The following CADM1 variants were observed in gnomAD, a reference collection of about 807,000 sequenced individuals.
CADM1 encodes cell adhesion molecule 1.
A neutral mutation model predicts 53.1 loss-of-function variants in CADM1; 15 were observed. The observed-to-expected ratio is 0.28, with a 90% CI of 0.19 to 0.44. CADM1 has a LOEUF of 0.44. Ranked by LOEUF, CADM1 falls within the 20% of genes least tolerant of loss-of-function variation. The pLI is 1.00. For missense variants in CADM1, 434 were observed against 611.3 expected, an observed-to-expected ratio of 0.71 and a Z score of 3.06; for synonymous variants, 281 against 243.0, an observed-to-expected ratio of 1.16 and a Z score of -1.45.
At chr11:115,332,625 G>A (rs535815224) in intron 1 of CADM1, among the ~76,000 whole-genome samples, 47 of 152,178 alleles carry the variant, frequency 3.1e-4, no homozygotes, top group Admixed American at 1.3e-3. Context: ...ACATATGCTC[G>A]ATAACGTGTC....
chr11:115,237,438 A>C (rs749580838), intron 3 of CADM1, among the ~76,000 whole-genome samples: 4 of 152,204 alleles, frequency 2.6e-5, no homozygotes, highest in Middle Eastern at 3.2e-3. Flanking sequence ...TGAATAAAAA[A>C]AATTTCCCTT....
chr11:115,223,605 TAAAGGC>T (rs955325648), intron 5 of CADM1, among the ~76,000 whole-genome samples: 3 of 152,298 alleles, frequency 2.0e-5, no homozygotes, highest in Non-Finnish European at 4.4e-5. Flanking sequence ...AAGGCAGGTA[TAAAGGC>T]AAAGGCTTTT....
chr11:115,169,543 C>G lies in CADM1; in HGVS notation c.*6931G>C, dbSNP rs749958016. 2.2e-6 allele frequency: 1 copy of G among 453,434 alleles called. No homozygotes were observed. The highest frequency in any genetic ancestry group is 4.4e-6 in the Non-Finnish European group (1 of 225,992). 28.1% of individuals were successfully genotyped at this position (453,434 alleles called of 1,614,324 possible). ...TGGCATTTTCCCTTCCTTGTCCAAA[C>G]GATAAAAGATTCATGTTCCTAATTG... On this transcript the variant is annotated 3_prime_UTR_variant, in exon 12 of 12. Transcript: ENST00000331581.
Position 115,274,470 on chromosome 11 carries a change from G to A in CADM1, c.125-34050C>T, listed in dbSNP as rs139232283. On this transcript the variant is annotated intron_variant, in intron 1 of 11. Coordinates refer to ENST00000331581, the MANE Select transcript of CADM1 (RefSeq NM_001301043.2). ...AAAAAGTCTACTTCTTCCCTTGTCCGCATTTCAGTTTCATACAACTTGTTA... is the reference window on the plus strand; with the variant it reads ...AAAAAGTCTACTTCTTCCCTTGTCCACATTTCAGTTTCATACAACTTGTTA... Among the ~76,000 whole-genome samples, 197 of 152,290 alleles carry A rather than the reference G, an allele frequency of 1.3e-3. 4 individuals carry two copies. The East Asian group carries it at 0.024, about 19-fold the overall frequency.
intron 1 of CADM1, chr11:115,377,860 GA>G (rs1946478190): frequency 6.6e-6 from 1 of 152,084 alleles, no homozygotes. Flanking sequence ...TTTGCTTTAA[GA>G]GAAAAAAACT....
intron 2 of CADM1, among the ~76,000 whole-genome samples, chr11:115,238,997 G>C (rs1199396873): frequency 2.6e-5 from 4 of 152,006 alleles, no homozygotes; most frequent in South Asian, 4.1e-4. Context: ...ACTAGAGATA[G>C]ACAAAAAGAA....
chr11:115,241,656 A>C (rs1942235428), intron 1 of CADM1, among the ~76,000 whole-genome samples: 1 of 152,176 alleles, frequency 6.6e-6, no homozygotes, highest in East Asian at 1.9e-4. Context: ...AAAGTGAATA[A>C]ATGGCAGCTG....
intron 1 of CADM1, among the ~76,000 whole-genome samples, chr11:115,347,134 A>G (rs768957111): frequency 2.0e-5 from 3 of 152,182 alleles, no homozygotes; most frequent in Non-Finnish European, 4.4e-5. Flanking sequence ...AGACTGCTAT[A>G]AAGAATCTAA....
chr11:115,447,242 G>C (rs1274128903), intron 1 of CADM1, among the ~76,000 whole-genome samples: 1 of 152,122 alleles, frequency 6.6e-6, no homozygotes, highest in Non-Finnish European at 1.5e-5. Context: ...AAAGACATGG[G>C]CCTTAGAAAA....
intron 1 of CADM1, among the ~76,000 whole-genome samples, chr11:115,310,090 C>T (rs752016156): frequency 2.6e-4 from 39 of 151,512 alleles, no homozygotes; most frequent in Non-Finnish European, 3.5e-4. Context: ...TTTATTCCTT[C>T]GATGGGAAAA....
At chr11:115,358,858 T>C (rs1565385241) in intron 1 of CADM1, among the ~76,000 whole-genome samples, 1 of 152,192 alleles carries the variant, frequency 6.6e-6, no homozygotes, top group Admixed American at 6.5e-5. Flanking sequence ...AGAGTTTCCT[T>C]TGCAAATGCA....
intron 1 of CADM1, chr11:115,240,853 T>C: frequency 4.1e-6 from 1 of 241,256 alleles, no homozygotes. Context: ...AGCCACTTAA[T>C]AGAAGTAGGT....
intron 1 of CADM1, among the ~76,000 whole-genome samples, chr11:115,419,699 C>G (rs1947705881): frequency 6.6e-6 from 1 of 152,102 alleles, no homozygotes; most frequent in African/African-American, 2.4e-5. Context: ...GCCCCTGAGA[C>G]TCAATAATCT....
chr11:115,270,884 T>C (rs1770512192), intron 1 of CADM1, among the ~76,000 whole-genome samples: 1 of 152,228 alleles, frequency 6.6e-6, no homozygotes, highest in Admixed American at 6.5e-5. Flanking sequence ...ACTTTTGGGA[T>C]CTACCTCAAG....
chr11:115,195,944 T>C (rs572908534), intron 9 of CADM1, among the ~76,000 whole-genome samples: 4 of 152,354 alleles, frequency 2.6e-5, no homozygotes, highest in Non-Finnish European at 4.4e-5. Flanking sequence ...GGGATCAGCC[T>C]AGATTATCTA....
chr11:115,472,509 TAAC>T (rs138773677), intron 1 of CADM1, among the ~76,000 whole-genome samples: 2,122 of 152,338 alleles, frequency 0.014, 47 homozygotes, highest in African/African-American at 0.048. Flanking sequence ...GCCTAGTTAT[TAAC>T]AAATCAATGT....
At chr11:115,480,494 C>T (rs1348380729) in intron 1 of CADM1, among the ~76,000 whole-genome samples, 1 of 152,058 alleles carries the variant, frequency 6.6e-6, no homozygotes, top group Non-Finnish European at 1.5e-5. Context: ...TCTAAAGTCC[C>T]CTTCAGCTCT....
At chr11:115,344,842 A>G (rs531954123) in intron 1 of CADM1, among the ~76,000 whole-genome samples, 1 of 152,284 alleles carries the variant, frequency 6.6e-6, no homozygotes, top group East Asian at 1.9e-4. Flanking sequence ...CTGCTCAGTC[A>G]TCCTCAATGT....
rs117253663 is a variant in CADM1 at position 115,199,883 on chromosome 11, G to A, written c.1079-1445C>T. On this transcript the variant is annotated intron_variant, in intron 8 of 11. Coordinates refer to ENST00000331581, the MANE Select transcript of CADM1 (RefSeq NM_001301043.2). ...AATTGCTTTCATGAGCTGTGGAGAC[G>A]CCAAAAGACTTTCTGATTCAACACA... is the stretch of plus-strand genomic sequence containing the variant. Among the ~76,000 whole-genome samples, 1,519 of 152,298 alleles carry A rather than the reference G, an allele frequency of 1.0e-2. 13 individuals are homozygous for A. The highest frequency in any genetic ancestry group is 0.015 in the Non-Finnish European group (1,052 of 68,024).
Sources: allele counts gnomAD v4.1 joint callset (sites outside exome capture counted in the v4.1 genomes callset), GRCh38; gene constraint gnomAD v4.1.1; transcripts MANE v1.5; gene names NCBI Gene and HGNC (gene_info 2026-07-23, HGNC 2026-07-21).